CDH12: variants seen among roughly 807,000 people sequenced by gnomAD.
CDH12 encodes the protein cadherin 12.
Under a neutral mutation model 74.1 loss-of-function variants are expected in CDH12, and 41 were observed. The ratio of observed to expected loss-of-function variants is 0.55; its 90% CI spans 0.43 to 0.72. The LOEUF is 0.72. Ranked by LOEUF, CDH12 falls within the 30% of genes least tolerant of loss-of-function variation. The probability of loss-of-function intolerance (pLI) is 0.00; values close to 1 mark genes in which losing one functional copy is unlikely to be tolerated. For missense variants in CDH12, 945 were observed against 977.2 expected, an observed-to-expected ratio of 0.97 and a Z score of 0.44; for synonymous variants, 399 against 355.0, an observed-to-expected ratio of 1.12 and a Z score of -1.39.
chr5:21,833,948 C>T (rs1187930183), intron 8 of CDH12, among the ~76,000 whole-genome samples: 2 of 151,860 alleles, frequency 1.3e-5, no homozygotes, highest in Non-Finnish European at 2.9e-5. Flanking sequence ...TTTATTGAAG[C>T]AGACAAAGGA....
At position 22,059,292 on chromosome 5, in the gene CDH12, TATC is replaced by T. The variant is rs1388592619; in HGVS notation, c.231+19151_231+19153del. On this transcript the variant is annotated intron_variant, in intron 5 of 14. Coordinates refer to ENST00000382254, the MANE Select transcript of CDH12 (RefSeq NM_004061.5). ...CTATCTATCTATCTATCTATCTATC[TATC>T]ATCTATCTATCTATCATCTATCCAT... 8.8e-3 allele frequency among the ~76,000 whole-genome samples: 1,210 copies of T among 137,532 alleles called. 10 individuals carry two copies. Among genetic ancestry groups the T allele is most frequent in the South Asian group, 0.012 (49 of 4,246 alleles). The allele number at this position is 137,532 out of a possible 152,430, so 90.2% of individuals were successfully genotyped here.
At chr5:21,820,940 C>T (rs943201439) in intron 8 of CDH12, among the ~76,000 whole-genome samples, 4 of 151,914 alleles carry the variant, frequency 2.6e-5, no homozygotes, top group Admixed American at 2.0e-4. Context: ...AGATTGTCCA[C>T]AGTCAATAAA....
At chr5:22,521,341 G>A (rs1263622162) in intron 1 of CDH12, among the ~76,000 whole-genome samples, 1 of 151,908 alleles carries the variant, frequency 6.6e-6, no homozygotes, top group Non-Finnish European at 1.5e-5. Flanking sequence ...TCTGAAGTTT[G>A]TATATATAAT....
Position 22,274,472 on chromosome 5 carries a change from A to G in CDH12, c.-332-61829T>C, listed in dbSNP as rs547203459. On this transcript the variant is annotated intron_variant, in intron 3 of 14. Coordinates refer to ENST00000382254, the MANE Select transcript of CDH12 (RefSeq NM_004061.5). ...ATGACTGAAGTCTTGGCACAGTTTC[A>G]TTTTAGACTTTAGAATTGGACAATC... Among the ~76,000 whole-genome samples the G allele has an allele frequency of 1.6e-4, 25 of 152,208 alleles. 1 individual carries two copies. In the East Asian group the frequency reaches 3.3e-3, roughly 20 times the overall value.
At chr5:22,458,623 C>T (rs1160993676) in intron 2 of CDH12, among the ~76,000 whole-genome samples, 1 of 152,040 alleles carries the variant, frequency 6.6e-6, no homozygotes, top group Non-Finnish European at 1.5e-5. Flanking sequence ...TAGATCTGAG[C>T]CTTGAAAAGA....
At chr5:22,105,983 A>G (rs1744417918) in intron 4 of CDH12, among the ~76,000 whole-genome samples, 1 of 152,106 alleles carries the variant, frequency 6.6e-6, no homozygotes, top group Non-Finnish European at 1.5e-5. Flanking sequence ...TGTGAATATT[A>G]TTTCCAGGTT....
At chr5:22,173,789 C>T (rs1203947034) in intron 4 of CDH12, among the ~76,000 whole-genome samples, 1 of 151,682 alleles carries the variant, frequency 6.6e-6, no homozygotes, top group African/African-American at 2.4e-5. Context: ...TCGATGTTAC[C>T]ATAATTTTTT....
chr5:22,489,056 C>CTTTTTTTTTTT (rs10685463), intron 2 of CDH12, among the ~76,000 whole-genome samples: 1,110 of 37,264 alleles, frequency 0.03, 490 homozygotes, highest in Non-Finnish European at 0.044. Flanking sequence ...TTGGTACCAC[C>CTTTTTTTTTTT]TTTTTTTTTT....
rs924014598 is a variant in CDH12 at position 21,997,735 on chromosome 5, T to C, written c.232-22350A>G. Among the ~76,000 whole-genome samples the C allele has an allele frequency of 7.2e-5, 11 of 152,212 alleles. No individual in the cohort carries two copies. The East Asian group carries it at 2.1e-3, about 29-fold the overall frequency. ...CTCTCATAGTCAAAAGATATGAAAA[T>C]GTCAAATAATATGCATATTTTAAAG... On this transcript the variant is annotated intron_variant, in intron 5 of 14. Coordinates refer to ENST00000382254, the MANE Select transcript of CDH12 (RefSeq NM_004061.5).
chr5:21,936,852 C>T (rs538641373), intron 6 of CDH12, among the ~76,000 whole-genome samples: 1 of 152,230 alleles, frequency 6.6e-6, no homozygotes, highest in East Asian at 1.9e-4. Context: ...CCTGCATGCT[C>T]TCTCTCTTAC....
At chr5:22,637,642 C>T (rs547773427) in intron 1 of CDH12, among the ~76,000 whole-genome samples, 47 of 152,330 alleles carry the variant, frequency 3.1e-4, no homozygotes, top group African/African-American at 1.1e-3. Flanking sequence ...AGCATGGTCT[C>T]ATTAGAGTCT....
chr5:22,836,382 C>A (rs1186607914), intron 1 of CDH12, among the ~76,000 whole-genome samples: 2 of 151,716 alleles, frequency 1.3e-5, no homozygotes, highest in East Asian at 3.9e-4. Flanking sequence ...CACCACCATT[C>A]TCGGCTAATT....
At chr5:22,221,290 C>G (rs1361872658) in intron 3 of CDH12, among the ~76,000 whole-genome samples, 1 of 151,924 alleles carries the variant, frequency 6.6e-6, no homozygotes, top group African/African-American at 2.4e-5. Flanking sequence ...TGTCACCCAA[C>G]TTCATCATTT....
intron 5 of CDH12, among the ~76,000 whole-genome samples, chr5:21,977,802 G>A (rs771627326): frequency 6.6e-6 from 1 of 152,086 alleles, no homozygotes; most frequent in Non-Finnish European, 1.5e-5. Context: ...GGGAAAATAC[G>A]TTAAAAGGTT....
Position 22,201,747 on chromosome 5 carries a change from G to A in CDH12, c.-187+10751C>T, listed in dbSNP as rs566291891. Among the ~76,000 whole-genome samples the A allele has an allele frequency of 7.9e-5, 12 of 152,234 alleles. 1 individual carries two copies. The South Asian group carries it at 2.3e-3, about 29-fold the overall frequency. On this transcript the variant is annotated intron_variant, in intron 4 of 14. Transcript: ENST00000382254. ...GAAACTACAAGAGAAGCCTTAACAT[G>A]GGGGTAATAGGGCAAGCTTGTATTC...
At chr5:22,273,370 C>G (rs1736491202) in intron 3 of CDH12, among the ~76,000 whole-genome samples, 1 of 152,096 alleles carries the variant, frequency 6.6e-6, no homozygotes, top group African/African-American at 2.4e-5. Flanking sequence ...TTGCCACAAA[C>G]GTTCAATTTG....
chr5:22,270,238 G>A (rs945897778), intron 3 of CDH12, among the ~76,000 whole-genome samples: 1 of 151,992 alleles, frequency 6.6e-6, no homozygotes, highest in African/African-American at 2.4e-5. Flanking sequence ...CACATCTATT[G>A]CTATTACTAA....
At chr5:21,942,347 T>TATATATATATATATATAC (rs1225173229) in intron 6 of CDH12, among the ~76,000 whole-genome samples, 2 of 129,668 alleles carry the variant, frequency 1.5e-5, no homozygotes, top group African/African-American at 3.2e-5. Flanking sequence ...TATATATATA[T>TATATATATATATATATAC]ACACACACAC....
chr5:22,325,062 G>T (rs1404811100), intron 3 of CDH12, among the ~76,000 whole-genome samples: 1 of 152,204 alleles, frequency 6.6e-6, no homozygotes, highest in Non-Finnish European at 1.5e-5. Context: ...ATCAGGGCAT[G>T]TGCCTCAGCA....
Sources: gnomAD v4.1 joint callset for allele counts (sites outside exome capture counted in the v4.1 genomes callset) on GRCh38, gnomAD v4.1.1 for gene constraint, MANE v1.5 for transcripts, NCBI Gene and HGNC (gene_info 2026-07-23, HGNC 2026-07-21) for gene names.